PTPRQ: variants seen among roughly 807,000 people sequenced by gnomAD.
The protein encoded by PTPRQ is protein tyrosine phosphatase receptor type Q.
A neutral mutation model predicts 246.0 loss-of-function variants in PTPRQ; 199 were observed. The ratio of observed to expected loss-of-function variants is 0.81; its 90% CI spans 0.72 to 0.91. The LOEUF is 0.91. Among genes scored for constraint, PTPRQ ranks in the 40% least tolerant of loss-of-function variants. The pLI is 0.00. For synonymous variants in PTPRQ, 869 were observed against 853.2 expected (o/e 1.02, Z -0.32); for missense variants, 2,624 against 2,528.4 (o/e 1.04, Z -0.81).
At chr12:80,523,192 G>A (rs979229551) in intron 17 of PTPRQ, among the ~76,000 whole-genome samples, 2 of 152,146 alleles carry the variant, frequency 1.3e-5, no homozygotes, top group Non-Finnish European at 2.9e-5. Context: ...TTGTATTTCT[G>A]TGGGATCGGT....
intron 14 of PTPRQ, among the ~76,000 whole-genome samples, chr12:80,496,849 A>G (rs1004763000): frequency 3.3e-5 from 5 of 152,060 alleles, no homozygotes; most frequent in African/African-American, 9.7e-5. Flanking sequence ...CGAGTTAGGT[A>G]AAACTGAGAC....
chr12:80,478,122 A>G (rs544845678), intron 8 of PTPRQ, among the ~76,000 whole-genome samples: 1,570 of 150,930 alleles, frequency 0.01, 39 homozygotes, highest in African/African-American at 0.036. Context: ...GCAGACTTAA[A>G]TGTCCCTGTC....
intron 39 of PTPRQ, among the ~76,000 whole-genome samples, chr12:80,665,202 C>T (rs879607242): frequency 8.6e-5 from 13 of 152,018 alleles, no homozygotes; most frequent in South Asian, 2.1e-4. Context: ...ACGTGGAGTC[C>T]GATGTTCTAG....
intron 6 of PTPRQ, among the ~76,000 whole-genome samples, chr12:80,468,460 G>C (rs75832109): frequency 6.6e-6 from 1 of 152,068 alleles, no homozygotes; most frequent in African/African-American, 2.4e-5. Context: ...TGAAACTTGC[G>C]CAGTGCAATA....
chr12:80,453,098 C>T (rs949594265), intron 3 of PTPRQ, among the ~76,000 whole-genome samples: 39 of 152,164 alleles, frequency 2.6e-4, no homozygotes, highest in African/African-American at 8.4e-4. Context: ...CTTCCCTTCT[C>T]ACTTCATTTC....
At chr12:80,496,175 A>G (rs1258790577) in intron 13 of PTPRQ, 69 bp downstream of exon 13, 1 of 1,543,218 alleles carries the variant, frequency 6.5e-7, no homozygotes, top group East Asian at 2.4e-5. Context: ...CCTTCACTTC[A>G]TGCTACCTCT....
chr12:80,472,260 A>G lies in PTPRQ; in HGVS notation c.1186+9A>G. On this transcript the variant is annotated intron_variant, in intron 8 of 44. Transcript: ENST00000644991. ...ATTCACTCCACCAGATGGTAAGAAC[A>G]TAGGGAATGAGTGAGATATTTTTGG... 3 of 1,551,198 alleles carry G rather than the reference A, an allele frequency of 1.9e-6. No homozygotes were observed. Among genetic ancestry groups the G allele is most frequent in the Non-Finnish European group, 2.6e-6 (3 of 1,146,852 alleles).
chr12:80,517,839 C>T (rs1391363362), intron 17 of PTPRQ, among the ~76,000 whole-genome samples: 1 of 152,128 alleles, frequency 6.6e-6, no homozygotes, highest in Non-Finnish European at 1.5e-5. Context: ...GCATAGTACT[C>T]CATTGCGTAT....
intron 14 of PTPRQ, among the ~76,000 whole-genome samples, chr12:80,504,870 A>T (rs1237218148): frequency 6.6e-6 from 1 of 151,908 alleles, no homozygotes; most frequent in Non-Finnish European, 1.5e-5. Flanking sequence ...ACAGAGAAAG[A>T]AGGTTTCCTT....
At chr12:80,626,516 T>G (rs1416713216) in intron 33 of PTPRQ, among the ~76,000 whole-genome samples, 1 of 152,218 alleles carries the variant, frequency 6.6e-6, no homozygotes, top group Admixed American at 6.5e-5. Flanking sequence ...CTCATGCATC[T>G]TCACTGCAAC....
rs533238354 is a variant in PTPRQ at position 80,662,200 on chromosome 12, C to A, written c.6192+4139C>A. 2.0e-5 allele frequency among the ~76,000 whole-genome samples: 3 copies of A among 152,030 alleles called. No individual in the cohort carries two copies. In the East Asian group the frequency reaches 5.8e-4, roughly 29 times the overall value. On this transcript the variant is annotated intron_variant, in intron 39 of 44. Coordinates refer to ENST00000644991, the MANE Select transcript of PTPRQ (RefSeq NM_001145026.2). ...AGGATGAAAAGAAGGATTGGTCTGA[C>A]CTTCTCCATCTCATATGCTATTCTA...
chr12:80,661,376 TA>T, intron 39 of PTPRQ, among the ~76,000 whole-genome samples: 1 of 150,022 alleles, frequency 6.7e-6, no homozygotes, highest in South Asian at 2.1e-4. Flanking sequence ...TGCATGTATA[TA>T]AATTCTCCCA....
At chr12:80,600,183 G>A (rs1898096187) in intron 26 of PTPRQ, among the ~76,000 whole-genome samples, 1 of 151,798 alleles carries the variant, frequency 6.6e-6, no homozygotes, top group African/African-American at 2.4e-5. Context: ...ATTGATCAGT[G>A]CAAGGAAATT....
At chr12:80,470,044 A>G (rs1367345512) in intron 7 of PTPRQ, among the ~76,000 whole-genome samples, 3 of 152,232 alleles carry the variant, frequency 2.0e-5, no homozygotes, top group Non-Finnish European at 4.4e-5. Context: ...AGCAGTGAAT[A>G]GAGAGTAAGG....
intron 25 of PTPRQ, among the ~76,000 whole-genome samples, chr12:80,572,962 C>A (rs892435093): frequency 1.2e-4 from 18 of 152,056 alleles, no homozygotes; most frequent in African/African-American, 4.3e-4. Context: ...CTATAATTTT[C>A]TTTTATTATA....
At chr12:80,650,212 A>G (rs1900212362) in intron 37 of PTPRQ, among the ~76,000 whole-genome samples, 1 of 152,000 alleles carries the variant, frequency 6.6e-6, no homozygotes, top group South Asian at 2.1e-4. Context: ...CACGTTTTAC[A>G]GGGGGCCTTT....
At chr12:80,661,202 A>G (rs903236708) in intron 39 of PTPRQ, among the ~76,000 whole-genome samples, 1 of 146,546 alleles carries the variant, frequency 6.8e-6, no homozygotes, top group African/African-American at 2.7e-5. Flanking sequence ...TCATAATCAT[A>G]CAAAAGGAAA....
rs1900187228 is a variant in PTPRQ, at chr12:80,649,520, A to G, written c.5943-68A>G. On this transcript the variant is annotated intron_variant, in intron 36 of 44. Transcript: ENST00000644991. ...TCTTTAACTTGTTAAAAGTGAAGCC[A>G]GTGCCAATGCTAACGCGAACAAATA... 3.3e-6 allele frequency: 5 copies of G among 1,500,500 alleles called. No individual in the cohort carries two copies. In the African/African-American group the frequency reaches 7.0e-5, roughly 21 times the overall value. The allele number at this position is 1,500,500 out of a possible 1,614,324, so 92.9% of individuals were successfully genotyped here. A position where few individuals can be genotyped will look rare whatever the true frequency, so the allele number is the denominator to read the frequency against.
chr12:80,536,458 G>A (rs867008307), intron 19 of PTPRQ, among the ~76,000 whole-genome samples: 85 of 152,278 alleles, frequency 5.6e-4, no homozygotes, highest in African/African-American at 2.0e-3. Flanking sequence ...TCCAGAAGGT[G>A]GTTTAGTGTT....
Sources: allele counts gnomAD v4.1 joint callset (sites outside exome capture counted in the v4.1 genomes callset), GRCh38; gene constraint gnomAD v4.1.1; transcripts MANE v1.5; gene names NCBI Gene and HGNC (gene_info 2026-07-23, HGNC 2026-07-21).